Variants in SGCD observed in about 807,000 individuals in gnomAD.
SGCD encodes the protein delta-sarcoglycan.
SGCD carries 18 observed loss-of-function variants against 36.6 expected under a neutral mutation model. The ratio of observed to expected loss-of-function variants is 0.49; its 90% confidence interval spans 0.34 to 0.73. The LOEUF is 0.73. Ranked by LOEUF, SGCD falls within the 30% of genes least tolerant of loss-of-function variation. SGCD has a pLI of 0.01. For synonymous variants in SGCD, 133 were observed against 130.6 expected (o/e 1.02, Z -0.12); for missense variants, 387 against 346.7 (o/e 1.12, Z -0.92).
chr5:155,758,633 C>T, the SGCD span, among the ~76,000 whole-genome samples: 115 of 152,190 alleles, frequency 7.6e-4, 1 homozygote, highest in African/African-American at 2.6e-3. Flanking sequence ...CACAGGAGCA[C>T]GAACCGTATT....
chr5:156,742,118 C>T (rs1756708591), intron 7 of SGCD, among the ~76,000 whole-genome samples: 1 of 152,172 alleles, frequency 6.6e-6, no homozygotes. Flanking sequence ...CCTCGTGATC[C>T]ACCCGCCTCG....
rs150947082 is a variant in SGCD, at chr5:156,693,601, C to T, written c.575+46065C>T. Reference sequence around the variant, plus strand: ...TAAAATGTTGGGGACATCAATACATCTGTTCAACATAGTGTAGTGATGAAA... The same window carrying T: ...TAAAATGTTGGGGACATCAATACATTTGTTCAACATAGTGTAGTGATGAAA... On this transcript the variant is annotated intron_variant, in intron 7 of 8. Transcript: ENST00000337851. Among the ~76,000 whole-genome samples, 236 of 152,244 alleles carry T rather than the reference C, an allele frequency of 1.6e-3. 1 individual carries two copies. Among genetic ancestry groups the T allele is most frequent in the Admixed American group, 2.4e-3 (36 of 15,284 alleles).
chr5:156,647,846 G>C (rs923265218), intron 7 of SGCD, among the ~76,000 whole-genome samples: 2 of 152,074 alleles, frequency 1.3e-5, no homozygotes, highest in African/African-American at 4.8e-5. Flanking sequence ...TTGGTAATTG[G>C]TGCTGATCAG....
intron 4 of SGCD, among the ~76,000 whole-genome samples, chr5:156,573,813 C>T (rs1270470403): frequency 6.6e-6 from 1 of 152,114 alleles, no homozygotes; most frequent in African/African-American, 2.4e-5. Context: ...CTCAACTCTG[C>T]CTCCCCAGTA....
At chr5:156,361,687 T>C (rs939657637) in intron 3 of SGCD, among the ~76,000 whole-genome samples, 5 of 152,248 alleles carry the variant, frequency 3.3e-5, no homozygotes, top group Admixed American at 3.3e-4. Context: ...TGGGTGTTGC[T>C]GAAAATCATC....
chr5:156,140,196 GC>G (rs762631132), intron 3 of SGCD, among the ~76,000 whole-genome samples: 39 of 152,220 alleles, frequency 2.6e-4, no homozygotes, highest in Non-Finnish European at 5.3e-4. Flanking sequence ...TGGAGTTGTT[GC>G]TATAATAAAG....
chr5:156,021,191 G>GA (rs1467077897), intron 1 of SGCD, among the ~76,000 whole-genome samples: 2 of 152,004 alleles, frequency 1.3e-5, no homozygotes, highest in African/African-American at 4.8e-5. Flanking sequence ...CTTTGATAGA[G>GA]AAAAAAACAG....
Position 156,499,423 on chromosome 5 carries a change from A to C in SGCD, c.193-9178A>C, listed in dbSNP as rs552764055. Among the ~76,000 whole-genome samples the C allele has an allele frequency of 2.6e-5, 4 of 152,298 alleles. 1 individual carries two copies. Among genetic ancestry groups the C allele is most frequent in the African/African-American group, 9.6e-5 (4 of 41,574 alleles). The stretch of plus-strand genomic sequence containing the variant: ...TAGCACCTTATTTCTCATCTCAAGA[A>C]ATTTGAAGTTTAGTGACTGAGGACA... On this transcript the variant is annotated intron_variant, in intron 3 of 8. Coordinates refer to ENST00000337851, the MANE Select transcript of SGCD (RefSeq NM_000337.6).
the SGCD span, among the ~76,000 whole-genome samples, chr5:155,733,614 T>C: frequency 6.7e-6 from 1 of 150,300 alleles, no homozygotes; most frequent in South Asian, 2.1e-4. Context: ...TTTAAAGGGC[T>C]TCATTAATAT....
the SGCD span, among the ~76,000 whole-genome samples, chr5:155,859,307 T>C: frequency 6.6e-6 from 1 of 152,124 alleles, no homozygotes; most frequent in Non-Finnish European, 1.5e-5. Flanking sequence ...GCTCAAGTGA[T>C]TCTCCCACCT....
intron 3 of SGCD, among the ~76,000 whole-genome samples, chr5:156,276,395 A>T (rs976173898): frequency 6.6e-6 from 1 of 152,190 alleles, no homozygotes; most frequent in Non-Finnish European, 1.5e-5. Context: ...TCAGCTTTTC[A>T]TCAGGGTAGA....
At chr5:155,968,607 T>C (rs1757947804) in intron 1 of SGCD, among the ~76,000 whole-genome samples, 1 of 152,148 alleles carries the variant, frequency 6.6e-6, no homozygotes, top group South Asian at 2.1e-4. Context: ...ATCATAAGTA[T>C]GTACATATAA....
intron 3 of SGCD, among the ~76,000 whole-genome samples, chr5:156,427,581 G>C (rs752060101): frequency 2.4e-4 from 37 of 152,110 alleles, no homozygotes; most frequent in Non-Finnish European, 4.9e-4. Context: ...ATGAAGAATG[G>C]AAGTGGGGAA....
At chr5:156,084,358 A>G (rs1447094476) in intron 1 of SGCD, among the ~76,000 whole-genome samples, 1 of 152,182 alleles carries the variant, frequency 6.6e-6, no homozygotes, top group African/African-American at 2.4e-5. Context: ...ATGAATGACT[A>G]TAGATGGTGT....
chr5:156,363,229 C>A (rs1769902552), intron 3 of SGCD, among the ~76,000 whole-genome samples: 1 of 152,138 alleles, frequency 6.6e-6, no homozygotes, highest in African/African-American at 2.4e-5. Context: ...CACTACTGAC[C>A]TCTAAATGTC....
At chr5:156,162,324 A>C (rs977178558) in intron 3 of SGCD, among the ~76,000 whole-genome samples, 1 of 151,512 alleles carries the variant, frequency 6.6e-6, no homozygotes, top group African/African-American at 2.4e-5. Flanking sequence ...GCAGTGTTGC[A>C]CCTGAGTCTA....
the SGCD span, among the ~76,000 whole-genome samples, chr5:155,819,929 C>G: frequency 6.6e-6 from 1 of 152,182 alleles, no homozygotes; most frequent in South Asian, 2.1e-4. Flanking sequence ...TAGCCTCTCC[C>G]TTATCTGAAC....
intron 1 of SGCD, among the ~76,000 whole-genome samples, chr5:155,915,483 T>C (rs1346718815): frequency 6.6e-6 from 1 of 152,116 alleles, no homozygotes; most frequent in East Asian, 1.9e-4. Context: ...AGAAAAAATA[T>C]AAATCAGTGG....
At chr5:156,068,094 T>C in intron 1 of SGCD, among the ~76,000 whole-genome samples, 1 of 150,830 alleles carries the variant, frequency 6.6e-6, no homozygotes, top group South Asian at 2.1e-4. Flanking sequence ...CCCTAGAATT[T>C]TATATTTTTA....
Sources: gnomAD v4.1 joint callset for allele counts (sites outside exome capture counted in the v4.1 genomes callset) on GRCh38, gnomAD v4.1.1 for gene constraint, MANE v1.5 for transcripts, NCBI Gene and HGNC (gene_info 2026-07-23, HGNC 2026-07-21) for gene names.